Variants in PAICS observed in about 807,000 individuals in gnomAD.
PAICS encodes phosphoribosylaminoimidazole carboxylase and phosphoribosylaminoimidazolesuccinocarboxamide synthase, also known as bifunctional phosphoribosylaminoimidazole carboxylase/phosphoribosylaminoimidazole succinocarboxamide synthetase.
A neutral mutation model predicts 53.7 loss-of-function variants in PAICS; 33 were observed. The observed-to-expected ratio is 0.61, with a 90% confidence interval of 0.47 to 0.82. The LOEUF is 0.82. Among genes scored for constraint, PAICS ranks in the 40% least tolerant of loss-of-function variants. The pLI is 0.00. For missense variants in PAICS, 394 were observed against 494.1 expected, an observed-to-expected ratio of 0.80 and a Z score of 1.92; for synonymous variants, 141 against 167.2, an observed-to-expected ratio of 0.84 and a Z score of 1.21.
chr4:56,430,570 G>C, the PAICS span, among the ~76,000 whole-genome samples: 1 of 152,014 alleles, frequency 6.6e-6, no homozygotes, highest in Non-Finnish European at 1.5e-5. Context: ...TAAAGTATTA[G>C]CAAATAGCAA....
chr4:56,418,524 T>TGGGA, the PAICS span, among the ~76,000 whole-genome samples: 1 of 152,054 alleles, frequency 6.6e-6, no homozygotes, highest in Non-Finnish European at 1.5e-5. Flanking sequence ...TTTGCCCTGT[T>TGGGA]GGGAGGCTGG....
At chr4:56,435,605 C>T (rs1717869126), upstream of PAICS, 22 of 1,522,878 alleles carry the variant, frequency 1.4e-5, no homozygotes, top group Non-Finnish European at 1.9e-5. Context: ...CCGAGGGTGG[C>T]CCCAGCTACT....
chr4:56,437,789 C>CGCGA (rs1718095142), intron 1 of PAICS, among the ~76,000 whole-genome samples: 1 of 140,924 alleles, frequency 7.1e-6, no homozygotes, highest in Non-Finnish European at 1.5e-5. Context: ...CCACTGCACT[C>CGCGA]CAGCCTGGCG....
At chr4:56,410,794 T>G in the PAICS span, 1 of 985,134 alleles carries the variant, frequency 1.0e-6, no homozygotes, top group African/African-American at 1.8e-5. Flanking sequence ...ATGATTTGGA[T>G]GTAATCCTGC....
chr4:56,437,077 G>C (rs1440558127), intron 1 of PAICS, among the ~76,000 whole-genome samples: 1 of 151,544 alleles, frequency 6.6e-6, no homozygotes, highest in African/African-American at 2.4e-5. Flanking sequence ...GTGTGTGCAC[G>C]CGCGCGTGAA....
chr4:56,438,750 C>G (rs1258356203), intron 1 of PAICS, among the ~76,000 whole-genome samples: 1 of 151,960 alleles, frequency 6.6e-6, no homozygotes, highest in African/African-American at 2.4e-5. Context: ...TTATTTAACC[C>G]TATATACACA....
chr4:56,414,259 A>C, the PAICS span: 1 of 152,208 alleles, frequency 6.6e-6, no homozygotes, highest in African/African-American at 2.4e-5. Context: ...TGATACACGG[A>C]AGAAGGGAAG....
At chr4:56,424,541 T>G in the PAICS span, among the ~76,000 whole-genome samples, 1 of 151,588 alleles carries the variant, frequency 6.6e-6, no homozygotes, top group Admixed American at 6.5e-5. Flanking sequence ...CGGAGAAGAA[T>G]CATAGACTGC....
chr4:56,424,806 G>T, the PAICS span, among the ~76,000 whole-genome samples: 1 of 152,304 alleles, frequency 6.6e-6, no homozygotes, highest in East Asian at 1.9e-4. Context: ...TCCAATATCA[G>T]CTGCCATTTA....
the PAICS span, among the ~76,000 whole-genome samples, chr4:56,416,730 T>C: frequency 8.5e-5 from 13 of 152,210 alleles, no homozygotes; most frequent in Admixed American, 6.5e-5. Context: ...ATCACTTTAG[T>C]GTTGAGGCAA....
chr4:56,434,543 A>T (rs1717792494), upstream of PAICS, among the ~76,000 whole-genome samples: 1 of 152,230 alleles, frequency 6.6e-6, no homozygotes, highest in Admixed American at 6.5e-5. Context: ...AATTTTTTTT[A>T]ACTCGAAAGG....
chr4:56,422,730 A>G, the PAICS span: 1 of 152,184 alleles, frequency 6.6e-6, no homozygotes, highest in African/African-American at 2.4e-5. Context: ...AGACGCTACC[A>G]TACCTAAGAA....
intron 1 of PAICS, among the ~76,000 whole-genome samples, chr4:56,438,371 T>TTATTTATATATATATATATA (rs1553941190): frequency 8.8e-6 from 1 of 113,636 alleles, no homozygotes; most frequent in Non-Finnish European, 1.9e-5. Flanking sequence ...TGCAATGTGT[T>TTATTTATATATATATATATA]TATATATATA....
At chr4:56,419,391 T>C in the PAICS span, among the ~76,000 whole-genome samples, 2 of 152,230 alleles carry the variant, frequency 1.3e-5, no homozygotes, top group Non-Finnish European at 2.9e-5. Context: ...GATCAAAATA[T>C]GACTAAAAAA....
the PAICS span, among the ~76,000 whole-genome samples, chr4:56,418,738 A>G: frequency 6.6e-6 from 1 of 152,264 alleles, no homozygotes; most frequent in Non-Finnish European, 1.5e-5. Context: ...TACTTCTTTT[A>G]TGAAAATGAA....
upstream of PAICS, chr4:56,435,898 C>G: frequency 1.3e-6 from 2 of 1,486,228 alleles, no homozygotes; most frequent in Non-Finnish European, 1.8e-6. Context: ...ATGCCCTTCC[C>G]TGCATGCTTC....
Position 56,448,490 on chromosome 4 carries a change from C to G in PAICS, c.466C>G (p.Leu156Val), listed in dbSNP as rs373654453. ...TGCAAAATTTTGCTTTGCTGGACTT[C>G]TTATAGGCCAGACTGAAGTGGATAT... ...IAAKFCFAGLLIGQTEVDIMS... is the reference protein window; with the variant it reads ...IAAKFCFAGLVIGQTEVDIMS... Residue 156 changes from leucine (L) to valine (V), a missense_variant, in exon 4 of 9, where the codon CTT becomes GTT. Leu to Val is a conservative substitution (Grantham distance 32). This residue lies in a region of PAICS where 168 missense variants were observed against 199.3 expected (regional missense o/e 0.84). Transcript: ENST00000512576. 1 of 1,612,636 alleles carries G rather than the reference C, an allele frequency of 6.2e-7. No homozygotes were observed. Among genetic ancestry groups the G allele is most frequent in the East Asian group, 2.2e-5 (1 of 44,846 alleles).
At chr4:56,414,038 C>T in the PAICS span, among the ~76,000 whole-genome samples, 1 of 152,250 alleles carries the variant, frequency 6.6e-6, no homozygotes, top group African/African-American at 2.4e-5. Flanking sequence ...TACAATTTTA[C>T]AAACTGACCA....
upstream of PAICS, chr4:56,436,195 C>G (rs1195006729): frequency 5.3e-6 from 8 of 1,522,372 alleles, no homozygotes; most frequent in Non-Finnish European, 6.2e-6. Flanking sequence ...AAAAGAGTGG[C>G]GCAGGGTCGC....
Sources: allele counts gnomAD v4.1 joint callset (sites outside exome capture counted in the v4.1 genomes callset), GRCh38; gene constraint gnomAD v4.1.1; regional missense constraint gnomAD v4.1.1; transcripts MANE v1.5; gene names NCBI Gene and HGNC (gene_info 2026-07-23, HGNC 2026-07-21).